MLLT3: variants seen among roughly 807,000 people sequenced by gnomAD.
The protein encoded by MLLT3 is protein AF-9.
In MLLT3, 4 loss-of-function variants were observed where a neutral mutation model predicts 53.2. The observed-to-expected ratio is 0.08, with a 90% CI of 0.04 to 0.17. The LOEUF is 0.17. Among genes scored for constraint, MLLT3 ranks in the 10% least tolerant of loss-of-function variants. MLLT3 has a pLI of 1.00. For missense variants in MLLT3, 569 were observed against 684.0 expected, an observed-to-expected ratio of 0.83 and a Z score of 1.87; for synonymous variants, 283 against 230.6, an observed-to-expected ratio of 1.23 and a Z score of -2.06.
chr9:20,398,915 A>C (rs1392462958), intron 5 of MLLT3, among the ~76,000 whole-genome samples: 2 of 152,122 alleles, frequency 1.3e-5, no homozygotes, highest in Non-Finnish European at 2.9e-5. Context: ...AACAAACAAA[A>C]AAAACAACTC....
chr9:20,513,777 A>C (rs1817826837), intron 2 of MLLT3, among the ~76,000 whole-genome samples: 1 of 152,216 alleles, frequency 6.6e-6, no homozygotes, highest in South Asian at 2.1e-4. Flanking sequence ...ATAGTGTGTC[A>C]AGGATGACTG....
chr9:20,501,329 G>A (rs1391911881), intron 2 of MLLT3, among the ~76,000 whole-genome samples: 1 of 152,164 alleles, frequency 6.6e-6, no homozygotes, highest in East Asian at 1.9e-4. Flanking sequence ...AGGTGACGAA[G>A]GCAAATAAGA....
intron 2 of MLLT3, among the ~76,000 whole-genome samples, chr9:20,486,413 T>A (rs12339259): frequency 0.027 from 4,105 of 152,146 alleles, 158 homozygotes; most frequent in African/African-American, 0.091. Flanking sequence ...TAAAAAGATA[T>A]AACATGATCT....
intron 4 of MLLT3, among the ~76,000 whole-genome samples, chr9:20,415,044 C>T (rs1822837151): frequency 2.0e-5 from 3 of 152,076 alleles, no homozygotes; most frequent in Non-Finnish European, 4.4e-5. Flanking sequence ...AGAAAAATAG[C>T]CCAGCTTCAC....
intron 3 of MLLT3, among the ~76,000 whole-genome samples, chr9:20,449,133 G>A (rs983843880): frequency 6.6e-6 from 1 of 152,058 alleles, no homozygotes; most frequent in African/African-American, 2.4e-5. Context: ...CCTCTACTAT[G>A]TATGCATCTT....
chr9:20,441,013 A>C (rs139533577), intron 4 of MLLT3, among the ~76,000 whole-genome samples: 43 of 152,270 alleles, frequency 2.8e-4, no homozygotes, highest in Admixed American at 6.5e-4. Flanking sequence ...ACACCTTCCA[A>C]TACTGACAAC....
intron 4 of MLLT3, among the ~76,000 whole-genome samples, chr9:20,442,008 G>A (rs945145856): frequency 3.9e-5 from 6 of 152,134 alleles, no homozygotes; most frequent in Admixed American, 2.0e-4. Context: ...CTTTCCAAAT[G>A]TAAGTATGTG....
At chr9:20,532,521 G>A (rs991375440) in intron 2 of MLLT3, 3 of 201,986 alleles carry the variant, frequency 1.5e-5, no homozygotes, top group African/African-American at 7.0e-5. Context: ...TTAAGAAAAT[G>A]TCATCTTGCT....
At chr9:20,611,758 C>T (rs1364953661) in intron 2 of MLLT3, among the ~76,000 whole-genome samples, 5 of 152,072 alleles carry the variant, frequency 3.3e-5, no homozygotes, top group Non-Finnish European at 7.4e-5. Context: ...GAAATTCTAT[C>T]GTAATAGCCT....
At chr9:20,582,880 C>G (rs1467972456) in intron 2 of MLLT3, among the ~76,000 whole-genome samples, 1 of 152,142 alleles carries the variant, frequency 6.6e-6, no homozygotes, top group Admixed American at 6.5e-5. Flanking sequence ...GGTGGGGGCA[C>G]AGTCAAACTA....
chr9:20,607,863 T>C (rs1362870195), intron 2 of MLLT3, among the ~76,000 whole-genome samples: 1 of 152,010 alleles, frequency 6.6e-6, no homozygotes, highest in African/African-American at 2.4e-5. Flanking sequence ...GCGGAAATCA[T>C]TTTTAGTTAT....
intron 5 of MLLT3, among the ~76,000 whole-genome samples, chr9:20,395,079 C>G (rs1347245476): frequency 1.3e-5 from 2 of 152,148 alleles, no homozygotes; most frequent in Non-Finnish European, 2.9e-5. Flanking sequence ...ACCATAGCGT[C>G]TCCCAAGGCA....
At chr9:20,354,115 C>G (rs963159736) in intron 9 of MLLT3, among the ~76,000 whole-genome samples, 3 of 152,104 alleles carry the variant, frequency 2.0e-5, no homozygotes, top group African/African-American at 7.2e-5. Flanking sequence ...CTGGTCATAC[C>G]AAACATTGCT....
chr9:20,346,527 T>A lies in MLLT3; in HGVS notation c.1623A>T (p.Thr541=). The change falls in exon 11 of 11, where the codon ACA becomes ACT. Residue 541 remains threonine, a synonymous_variant. Coordinates refer to ENST00000380338, the MANE Select transcript of MLLT3 (RefSeq NM_004529.4). Reference sequence around the variant, plus strand: ...GCGAGCAAAGATCAAAATCAAATGTTGTGTTTGTGATATGAAAGTGTCCAG... The same window carrying A: ...GCGAGCAAAGATCAAAATCAAATGTAGTGTTTGTGATATGAAAGTGTCCAG... The part of the protein sequence containing the change: ...EETGHFHITN[T]TFDFDLCSLD... 6.2e-7 allele frequency: 1 copy of A among 1,613,810 alleles called. No homozygotes were observed. The highest frequency in any genetic ancestry group is 8.5e-7 in the Non-Finnish European group (1 of 1,179,754).
chr9:20,620,694 G>A lies in MLLT3; in HGVS notation c.153C>T (p.Val51=). ...HSNIQHFVEK[V]VFHLHESFPR... Reference sequence around the variant, plus strand: ...GAAAGCTTTCGTGCAAGTGGAAGACGACTTTCTCCACAAAGTGCTGTATGT... The same window carrying A: ...GAAAGCTTTCGTGCAAGTGGAAGACAACTTTCTCCACAAAGTGCTGTATGT... Residue 51 remains valine (V), a synonymous_variant, in exon 2 of 11, where the codon GTC becomes GTT. Coordinates refer to ENST00000380338, the MANE Select transcript of MLLT3 (RefSeq NM_004529.4). The surrounding 1 kb of genome is among the most constrained non-coding windows in gnomAD (Gnocchi z 6.1). The A allele has an allele frequency of 2.5e-6, 4 of 1,614,092 alleles. No individual in the cohort carries two copies. The highest frequency in any genetic ancestry group is 3.3e-5 in the Admixed American group (2 of 60,018).
intron 2 of MLLT3, among the ~76,000 whole-genome samples, chr9:20,548,432 A>G (rs1818844304): frequency 6.6e-6 from 1 of 152,254 alleles, no homozygotes; most frequent in Admixed American, 6.5e-5. Context: ...GAGTCTGAAC[A>G]ATGGTAAATG....
At chr9:20,370,637 A>C (rs1013789653) in intron 5 of MLLT3, among the ~76,000 whole-genome samples, 1 of 151,892 alleles carries the variant, frequency 6.6e-6, no homozygotes, top group African/African-American at 2.4e-5. Flanking sequence ...CAGCCTCCCG[A>C]GTAGCTGGGA....
At chr9:20,604,506 T>C (rs1563840208) in intron 2 of MLLT3, among the ~76,000 whole-genome samples, 1 of 152,084 alleles carries the variant, frequency 6.6e-6, no homozygotes, top group African/African-American at 2.4e-5. Context: ...CATGAAAATA[T>C]AATCATGTTA....
At chr9:20,599,300 T>C (rs1447907796) in intron 2 of MLLT3, among the ~76,000 whole-genome samples, 1 of 143,366 alleles carries the variant, frequency 7.0e-6, no homozygotes. Flanking sequence ...TAAGACTCTG[T>C]CTCCAAAAAA....
Sources: allele counts gnomAD v4.1 joint callset (sites outside exome capture counted in the v4.1 genomes callset), GRCh38; gene constraint gnomAD v4.1.1; non-coding constraint Gnocchi (gnomAD v3.1); transcripts MANE v1.5; gene names NCBI Gene and HGNC (gene_info 2026-07-23, HGNC 2026-07-21).